PPFIA2: variants seen among roughly 807,000 people sequenced by gnomAD.
PPFIA2 encodes PPFI scaffold protein A2.
In PPFIA2, 46 loss-of-function variants were observed where a neutral mutation model predicts 175.5. That is an observed-to-expected ratio of 0.26 (90% CI 0.21 to 0.34). The LOEUF (loss-of-function observed/expected upper bound fraction) is 0.34. Ranked by LOEUF, PPFIA2 falls within the 10% of genes least tolerant of loss-of-function variation. The pLI, the probability that PPFIA2 is intolerant of heterozygous loss-of-function variation, is 1.00. For synonymous variants in PPFIA2, 568 were observed against 511.4 expected, an observed-to-expected ratio of 1.11 and a Z score of -1.49; for missense variants, 1,179 against 1,506.1, an observed-to-expected ratio of 0.78 and a Z score of 3.60.
At chr12:81,340,024 A>AATAGAC (rs1382733676) in intron 20 of PPFIA2, among the ~76,000 whole-genome samples, 2 of 152,150 alleles carry the variant, frequency 1.3e-5, no homozygotes, top group African/African-American at 4.8e-5. Flanking sequence ...GGATGGGATC[A>AATAGAC]ATAGACATTG....
chr12:81,465,156 C>A (rs924308001), intron 4 of PPFIA2: 5 of 152,102 alleles, frequency 3.3e-5, no homozygotes, highest in African/African-American at 1.2e-4. Context: ...AATTTTAATA[C>A]TCTTTACCTT....
At chr12:81,590,876 G>C (rs2058596309) in intron 4 of PPFIA2, among the ~76,000 whole-genome samples, 1 of 152,106 alleles carries the variant, frequency 6.6e-6, no homozygotes, top group Admixed American at 6.6e-5. Context: ...TGTGAAAACG[G>C]ACTAATACAG....
chr12:81,387,908 T>A (rs974206677), intron 8 of PPFIA2, among the ~76,000 whole-genome samples: 3 of 152,018 alleles, frequency 2.0e-5, no homozygotes, highest in Non-Finnish European at 4.4e-5. Flanking sequence ...CCCAGAGAAA[T>A]GTTCAGCTCT....
chr12:81,279,114 G>A (rs2041396750), intron 27 of PPFIA2: 1 of 152,154 alleles, frequency 6.6e-6, no homozygotes, highest in African/African-American at 2.4e-5. Flanking sequence ...ATTAAGGTGG[G>A]CCCTAATCCA....
At chr12:81,532,860 T>C (rs992119068) in intron 4 of PPFIA2, among the ~76,000 whole-genome samples, 5 of 151,846 alleles carry the variant, frequency 3.3e-5, no homozygotes, top group Non-Finnish European at 5.9e-5. Context: ...AAAATTATTA[T>C]TTGCATTTCC....
intron 4 of PPFIA2, among the ~76,000 whole-genome samples, chr12:81,529,558 A>AG (rs2064205732): frequency 8.6e-6 from 1 of 116,178 alleles, no homozygotes; most frequent in African/African-American, 3.5e-5. Context: ...GGGGCAGTGG[A>AG]AAGAGAGAGA....
chr12:81,518,591 T>C (rs1452362560), intron 4 of PPFIA2, among the ~76,000 whole-genome samples: 1 of 152,100 alleles, frequency 6.6e-6, no homozygotes, highest in African/African-American at 2.4e-5. Context: ...TCTTAGATAG[T>C]ACAACCCATC....
chr12:81,405,985 T>G, intron 7 of PPFIA2, 82 bp from the exon 8 acceptor site: 1 of 721,612 alleles, frequency 1.4e-6, no homozygotes. Flanking sequence ...TCAATGTGGT[T>G]AAGAACTAAT....
At chr12:81,564,949 C>T (rs1006416246) in intron 4 of PPFIA2, among the ~76,000 whole-genome samples, 1 of 152,142 alleles carries the variant, frequency 6.6e-6, no homozygotes, top group African/African-American at 2.4e-5. Context: ...AGGAAAGGTG[C>T]ATGCACAACC....
At position 81,262,438 on chromosome 12, in the gene PPFIA2, G is replaced by A. The variant is rs563408348; in HGVS notation, c.3716-398C>T. ...ATGAATTTCGCTGACATGTTCCACC[G>A]TATTAACAAGTTGTAAGAAATGTAG... is the stretch of plus-strand genomic sequence containing the variant. On this transcript the variant is annotated intron_variant, in intron 31 of 32. Coordinates refer to ENST00000549396, the MANE Select transcript of PPFIA2 (RefSeq NM_003625.5). 2.5e-4 allele frequency among the ~76,000 whole-genome samples: 38 copies of A among 152,034 alleles called. 1 individual carries two copies. The South Asian group carries it at 2.9e-3, about 12-fold the overall frequency.
At chr12:81,564,244 G>A (rs2070822114) in intron 4 of PPFIA2, among the ~76,000 whole-genome samples, 1 of 152,076 alleles carries the variant, frequency 6.6e-6, no homozygotes, top group East Asian at 1.9e-4. Context: ...CAGAGCATTT[G>A]AAATGAGAAA....
At chr12:81,515,127 T>C (rs2062253764) in intron 4 of PPFIA2, among the ~76,000 whole-genome samples, 2 of 151,936 alleles carry the variant, frequency 1.3e-5, no homozygotes, top group African/African-American at 4.8e-5. Flanking sequence ...ATACATAAAA[T>C]CATCATAATA....
At chr12:81,627,252 G>C (rs2062820979) in intron 4 of PPFIA2, among the ~76,000 whole-genome samples, 1 of 152,010 alleles carries the variant, frequency 6.6e-6, no homozygotes, top group South Asian at 2.1e-4. Flanking sequence ...TTAACAATAA[G>C]TTATTGAATA....
chr12:81,311,390 C>A (rs1266378108), intron 22 of PPFIA2, among the ~76,000 whole-genome samples: 2 of 152,116 alleles, frequency 1.3e-5, no homozygotes, highest in Admixed American at 6.6e-5. Flanking sequence ...CCGTTCTATT[C>A]ATTGATGAAT....
intron 4 of PPFIA2, among the ~76,000 whole-genome samples, chr12:81,605,964 C>T (rs958209043): frequency 7.2e-5 from 11 of 151,814 alleles, no homozygotes; most frequent in African/African-American, 1.2e-4. Flanking sequence ...ACCCACGCTA[C>T]ACTCCATCCC....
intron 14 of PPFIA2, among the ~76,000 whole-genome samples, chr12:81,366,750 T>A (rs1264999351): frequency 6.6e-6 from 1 of 151,836 alleles, no homozygotes; most frequent in Non-Finnish European, 1.5e-5. Flanking sequence ...TATCTAAAAC[T>A]GACATAAATT....
chr12:81,705,083 TAAAAAAA>T (rs557079067), intron 3 of PPFIA2, among the ~76,000 whole-genome samples: 1 of 32,356 alleles, frequency 3.1e-5, no homozygotes, highest in Non-Finnish European at 5.1e-5. Flanking sequence ...AAACTCTGTC[TAAAAAAA>T]AAAAAAAAAA....
chr12:81,492,099 T>C (rs931864070), intron 4 of PPFIA2, among the ~76,000 whole-genome samples: 1 of 152,056 alleles, frequency 6.6e-6, no homozygotes, highest in Admixed American at 6.6e-5. Flanking sequence ...CCTGACTTTG[T>C]AGACTTAGTA....
Position 81,426,926 on chromosome 12 carries a change from TG to T in PPFIA2, c.645+13045del, listed in dbSNP as rs529580541. ...TCTATACTGTGATATAATAATCAAA[TG>T]TATCTTAAAAACTGTAAATATCTGG... On this transcript the variant is annotated intron_variant, in intron 7 of 32. Coordinates refer to ENST00000549396, the MANE Select transcript of PPFIA2 (RefSeq NM_003625.5). Among the ~76,000 whole-genome samples the T allele has an allele frequency of 4.3e-4, 65 of 152,278 alleles. No individual in the cohort carries two copies. In the South Asian group the frequency reaches 8.7e-3, roughly 20 times the overall value.
Sources: allele counts gnomAD v4.1 joint callset (sites outside exome capture counted in the v4.1 genomes callset), GRCh38; gene constraint gnomAD v4.1.1; transcripts MANE v1.5; gene names NCBI Gene and HGNC (gene_info 2026-07-23, HGNC 2026-07-21).